The following CD109 variants were observed in gnomAD, a reference collection of about 807,000 sequenced individuals.
CD109 encodes the protein CD109 molecule, also known as CD109 antigen.
CD109 carries 149 observed loss-of-function variants against 165.8 expected under a neutral mutation model. The ratio of observed to expected loss-of-function variants is 0.90; its 90% CI spans 0.79 to 1.03. The LOEUF is 1.03. CD109 is among the 50% of genes least tolerant of loss of function. CD109 has a pLI of 0.00. For synonymous variants in CD109, 585 were observed against 592.1 expected, an observed-to-expected ratio of 0.99 and a Z score of 0.18; for missense variants, 1,712 against 1,677.8, an observed-to-expected ratio of 1.02 and a Z score of -0.36.
chr6:73,725,595 G>A lies in CD109; in HGVS notation c.276+2316G>A, dbSNP rs910093347. Among the ~76,000 whole-genome samples, 14 of 139,358 alleles carry A rather than the reference G, an allele frequency of 1.0e-4. No individual in the cohort carries two copies. In the South Asian group the frequency reaches 1.1e-3, roughly 11 times the overall value. 91.4% of individuals were successfully genotyped at this position (139,358 alleles called of 152,430 possible). A position where few individuals can be genotyped will look rare whatever the true frequency, so the allele number is the denominator to read the frequency against. On this transcript the variant is annotated intron_variant, in intron 3 of 32. Coordinates refer to ENST00000287097, the MANE Select transcript of CD109 (RefSeq NM_133493.5). ...GCGATCTCGGCTCACTGCAACCTCC[G>A]TTTCCCGGATTCAAGAGATTCTCCT...
intron 32 of CD109, among the ~76,000 whole-genome samples, chr6:73,822,856 TG>T (rs1776146293): frequency 6.6e-6 from 1 of 152,238 alleles, no homozygotes. Context: ...AAATAGAATA[TG>T]TTTTTTAAAA....
Position 73,730,951 on chromosome 6 carries a change from A to T in CD109, c.507+377A>T, listed in dbSNP as rs150583895. ...ACATAATAAATAAACATACAAATAT[A>T]TATTTATAAAGGGACAGATATGTAT... On this transcript the variant is annotated intron_variant, in intron 4 of 32. Transcript: ENST00000287097. Among the ~76,000 whole-genome samples the T allele has an allele frequency of 3.2e-3, 482 of 152,302 alleles. 1 individual carries two copies. Among genetic ancestry groups the T allele is most frequent in the African/African-American group, 0.011 (457 of 41,562 alleles).
rs1326225928 is a variant in CD109 at position 73,825,617 on chromosome 6, A to G, written c.*1984A>G. 6.6e-6 allele frequency: 1 copy of G among 152,214 alleles called. No individual in the cohort carries two copies. The highest frequency in any genetic ancestry group is 1.5e-5 in the Non-Finnish European group (1 of 68,044). The allele number at this position is 152,214 out of a possible 1,614,324, so 9.4% of individuals were successfully genotyped here. A position where few individuals can be genotyped will look rare whatever the true frequency, so the allele number is the denominator to read the frequency against. ...AGACAGGTTGTATCTTTTTTAGACC[A>G]TATTTCCTTGTTTAAAAACTATCAT... On this transcript the variant is annotated 3_prime_UTR_variant, in exon 33 of 33. Coordinates refer to ENST00000287097, the MANE Select transcript of CD109 (RefSeq NM_133493.5).
At chr6:73,773,988 A>G (rs1774144328) in intron 15 of CD109, among the ~76,000 whole-genome samples, 2 of 151,994 alleles carry the variant, frequency 1.3e-5, no homozygotes, top group South Asian at 2.1e-4. Flanking sequence ...CAGCTTAGTG[A>G]TCATTCATTA....
chr6:73,802,283 G>A (rs1389405057), intron 23 of CD109, among the ~76,000 whole-genome samples: 150 of 95,688 alleles, frequency 1.6e-3, no homozygotes, highest in South Asian at 5.8e-3. Context: ...GTGTGTGTGT[G>A]TGTGTGTATA....
chr6:73,701,468 C>T (rs911103875), intron 2 of CD109, among the ~76,000 whole-genome samples: 10 of 151,992 alleles, frequency 6.6e-5, no homozygotes, highest in Non-Finnish European at 1.3e-4. Context: ...TGAGTCTGTC[C>T]CTTTGTCTCT....
At chr6:73,714,371 C>T (rs145908625) in intron 2 of CD109, among the ~76,000 whole-genome samples, 30 of 152,312 alleles carry the variant, frequency 2.0e-4, no homozygotes, top group Middle Eastern at 6.8e-3. Flanking sequence ...CTGGCCCTTT[C>T]GCCCCAGTTC....
At chr6:73,688,761 G>GGTT in the CD109 span, among the ~76,000 whole-genome samples, 1 of 73,528 alleles carries the variant, frequency 1.4e-5, no homozygotes, top group African/African-American at 4.7e-5. Context: ...GTTTTTCTTT[G>GGTT]TTTTTTTTTT....
the CD109 span, among the ~76,000 whole-genome samples, chr6:73,689,625 A>ATT: frequency 6.8e-5 from 10 of 146,876 alleles, no homozygotes; most frequent in African/African-American, 2.0e-4. Flanking sequence ...CTGTAGACAC[A>ATT]TTTTTTTTTT....
chr6:73,748,842 C>A (rs902911587), intron 5 of CD109, among the ~76,000 whole-genome samples: 3 of 152,212 alleles, frequency 2.0e-5, no homozygotes, highest in African/African-American at 4.8e-5. Context: ...TAAACATTTT[C>A]TCTCATTTTG....
chr6:73,787,398 C>G lies in CD109; in HGVS notation c.2502C>G (p.Val834=). 6.2e-7 allele frequency: 1 copy of G among 1,614,026 alleles called. No homozygotes were observed. The highest frequency in any genetic ancestry group is 8.5e-7 in the Non-Finnish European group (1 of 1,179,932). ...PTHLGEIPIT[V]TALSPTASDA... is the part of the protein sequence containing the mutation. ...ATCTGGGAGAAATTCCTATCACAGT[C>G]ACAGCTCTTTCACCCACTGCTTCTG... The change falls in exon 21 of 33, where the codon GTC becomes GTG. Residue 834 remains valine (V), a synonymous_variant. Coordinates refer to ENST00000287097, the MANE Select transcript of CD109 (RefSeq NM_133493.5).
chr6:73,808,310 A>G, intron 26 of CD109, 62 bp downstream of exon 26: 1 of 1,523,916 alleles, frequency 6.6e-7, no homozygotes, highest in Non-Finnish European at 8.8e-7. Flanking sequence ...TACATGAGAA[A>G]AATTTTTAGC....
chr6:73,777,403 TTTC>T (rs1774292426), intron 15 of CD109, among the ~76,000 whole-genome samples: 1 of 127,680 alleles, frequency 7.8e-6, no homozygotes, highest in South Asian at 2.6e-4. Context: ...TGATAGTTTC[TTTC>T]ACTGTGCAGA....
chr6:73,763,933 T>C (rs1316912996), intron 10 of CD109, among the ~76,000 whole-genome samples: 1 of 152,234 alleles, frequency 6.6e-6, no homozygotes, highest in African/African-American at 2.4e-5. Flanking sequence ...CAATTTAAGT[T>C]AGATGTGGAT....
In CD109 at chr6:73,780,506, T is replaced by G. The variant is rs745989711; in HGVS notation, c.1902+8T>G. 23 of 1,558,518 alleles carry G rather than the reference T, an allele frequency of 1.5e-5. No individual in the cohort carries two copies. Among genetic ancestry groups the G allele is most frequent in the Non-Finnish European group, 1.9e-5 (22 of 1,130,682 alleles). ...TCTTTTGCAGTCTTTCAGGTATGTT[T>G]TGCTTGCTATATTGAAAAGATATTA... On this transcript the variant is annotated splice_region_variant and intron_variant, in intron 16 of 32. Coordinates refer to ENST00000287097, the MANE Select transcript of CD109 (RefSeq NM_133493.5).
upstream of CD109, among the ~76,000 whole-genome samples, chr6:73,692,904 A>G (rs1770714394): frequency 6.6e-6 from 1 of 152,216 alleles, no homozygotes; most frequent in South Asian, 2.1e-4. Flanking sequence ...CTGTGAATCA[A>G]TTAAATCTCT....
At chr6:73,762,616 T>C in intron 8 of CD109, 125 bp from the exon 9 acceptor site, 8 of 976,934 alleles carry the variant, frequency 8.2e-6, no homozygotes, top group Non-Finnish European at 1.2e-5. Flanking sequence ...CAAATGAGAA[T>C]TTATGCAATT....
Position 73,766,124 on chromosome 6 carries a change from C to T in CD109, c.1302C>T (p.Ile434=). ...QSGTFKIEFP[I]LEDSSELQLK... ...GAACTTTTAAGATTGAATTCCCAAT[C>T]CTGGAGGATTCCAGTGAGCTACAGT... Residue 434 remains isoleucine (I), a synonymous_variant, in exon 11 of 33, where the codon ATC becomes ATT. Coordinates refer to ENST00000287097, the MANE Select transcript of CD109 (RefSeq NM_133493.5). 3 of 1,614,008 alleles carry T rather than the reference C, an allele frequency of 1.9e-6. No individual in the cohort carries two copies. Among genetic ancestry groups the T allele is most frequent in the Non-Finnish European group, 2.5e-6 (3 of 1,179,914 alleles).
chr6:73,809,417 T>C (rs1483304260), intron 26 of CD109, among the ~76,000 whole-genome samples: 1 of 152,164 alleles, frequency 6.6e-6, no homozygotes, highest in Non-Finnish European at 1.5e-5. Context: ...TTCTGAAATA[T>C]ATTATTTTTT....
Sources: allele counts gnomAD v4.1 joint callset (sites outside exome capture counted in the v4.1 genomes callset), GRCh38; gene constraint gnomAD v4.1.1; transcripts MANE v1.5; gene names NCBI Gene and HGNC (gene_info 2026-07-23, HGNC 2026-07-21).